ARFGEF3: variants seen among roughly 807,000 people sequenced by gnomAD.
ARFGEF3 encodes the protein brefeldin A-inhibited guanine nucleotide-exchange protein 3.
In ARFGEF3, 96 loss-of-function variants were observed where a neutral mutation model predicts 221.7. That is an observed-to-expected ratio of 0.43 (90% CI 0.37 to 0.51). ARFGEF3 has a LOEUF of 0.51. Ranked by LOEUF, ARFGEF3 falls within the 20% of genes least tolerant of loss-of-function variation. The probability of loss-of-function intolerance (pLI) is 0.00; values close to 1 mark genes in which losing one functional copy is unlikely to be tolerated. For missense variants in ARFGEF3, 2,410 were observed against 2,789.9 expected (o/e 0.86, Z 3.07); for synonymous variants, 1,145 against 1,126.8 (o/e 1.02, Z -0.32).
intron 20 of ARFGEF3, among the ~76,000 whole-genome samples, chr6:138,295,221 C>G (rs987804803): frequency 6.6e-6 from 1 of 152,116 alleles, no homozygotes; most frequent in Non-Finnish European, 1.5e-5. Flanking sequence ...ATATAAAATG[C>G]AGCCTCCAAC....
At chr6:138,205,781 C>T (rs769195588) in intron 2 of ARFGEF3, among the ~76,000 whole-genome samples, 3 of 152,096 alleles carry the variant, frequency 2.0e-5, no homozygotes, top group Admixed American at 6.5e-5. Context: ...TTGAGGGGCA[C>T]GGTGAGGGTT....
intron 29 of ARFGEF3, 86 bp downstream of exon 29, chr6:138,321,311 T>C: frequency 1.3e-6 from 1 of 777,494 alleles, no homozygotes; most frequent in Non-Finnish European, 2.1e-6. Flanking sequence ...GTGGTAGGAA[T>C]CGACTTTTTG....
intron 2 of ARFGEF3, among the ~76,000 whole-genome samples, chr6:138,183,899 A>C (rs1387044455): frequency 6.6e-6 from 1 of 152,144 alleles, no homozygotes; most frequent in African/African-American, 2.4e-5. Flanking sequence ...CTCCCCTGTG[A>C]GTGCTCAGCA....
In ARFGEF3 at chr6:138,229,807, G is replaced by A. The variant is rs1248266180; in HGVS notation, c.375G>A (p.Thr125=). The part of the protein sequence containing the change: ...VMKVLLCITY[T]PTFDLNGSAV... ...AGGTTTTACTATGCATCACCTACACGCCAACATTTGATCTGAATGGGAGTG... is the reference window on the plus strand; with the variant it reads ...AGGTTTTACTATGCATCACCTACACACCAACATTTGATCTGAATGGGAGTG... Residue 125 remains threonine (T), a synonymous_variant, in exon 5 of 34, where the codon ACG becomes ACA. Transcript: ENST00000251691. 7 of 1,613,476 alleles carry A rather than the reference G, an allele frequency of 4.3e-6. No homozygotes were observed. In the South Asian group the frequency reaches 5.5e-5, roughly 13 times the overall value.
chr6:138,322,897 C>A (rs76752246), intron 29 of ARFGEF3, among the ~76,000 whole-genome samples: 2 of 151,370 alleles, frequency 1.3e-5, no homozygotes, highest in South Asian at 4.2e-4. Context: ...CATGGGAGGG[C>A]GGGTCACATG....
chr6:138,277,303 A>G (rs557468754), intron 12 of ARFGEF3, among the ~76,000 whole-genome samples: 26 of 152,356 alleles, frequency 1.7e-4, no homozygotes, highest in African/African-American at 5.5e-4. Flanking sequence ...TCAGAACGCC[A>G]TTCCTTTTCA....
intron 12 of ARFGEF3, among the ~76,000 whole-genome samples, chr6:138,277,612 A>G (rs1779122254): frequency 6.6e-6 from 1 of 152,208 alleles, no homozygotes; most frequent in Non-Finnish European, 1.5e-5. Flanking sequence ...TTCCCATGCA[A>G]TCATATCCAT....
At chr6:138,270,591 A>C (rs1183499067) in intron 12 of ARFGEF3, among the ~76,000 whole-genome samples, 1 of 152,214 alleles carries the variant, frequency 6.6e-6, no homozygotes, top group Non-Finnish European at 1.5e-5. Context: ...CTGTAATGTA[A>C]GTATGATAAA....
At chr6:138,243,432 T>C (rs17067279) in intron 7 of ARFGEF3, among the ~76,000 whole-genome samples, 6,469 of 152,274 alleles carry the variant, frequency 0.042, 438 homozygotes, top group African/African-American at 0.15. Flanking sequence ...TCACAGGGCC[T>C]CTTGCAGACA....
rs1004825993 is a variant in ARFGEF3 at position 138,328,212 on chromosome 6, C to T, written c.5123+70C>T. The T allele has an allele frequency of 6.8e-6, 10 of 1,464,602 alleles. No individual in the cohort carries two copies. The African/African-American group carries it at 1.1e-4, about 17-fold the overall frequency. 90.7% of individuals were successfully genotyped at this position (1,464,602 alleles called of 1,614,324 possible). A position where few individuals can be genotyped will look rare whatever the true frequency, so the allele number is the denominator to read the frequency against. On this transcript the variant is annotated intron_variant, in intron 32 of 33. Transcript: ENST00000251691. ...TGTTCATTCACTTCCAGTTCTCACACATTGTAATCTGAGCTTTGGCCAGAA... is the reference window on the plus strand; with the variant it reads ...TGTTCATTCACTTCCAGTTCTCACATATTGTAATCTGAGCTTTGGCCAGAA...
intron 1 of ARFGEF3, among the ~76,000 whole-genome samples, chr6:138,168,609 G>GTA (rs1776766344): frequency 1.3e-5 from 2 of 152,232 alleles, no homozygotes; most frequent in South Asian, 4.1e-4. Context: ...ACAGAGGCTG[G>GTA]TACAGTCATC....
intron 14 of ARFGEF3, among the ~76,000 whole-genome samples, chr6:138,280,465 G>A (rs1779178050): frequency 6.6e-6 from 1 of 152,216 alleles, no homozygotes; most frequent in Non-Finnish European, 1.5e-5. Context: ...GTAGGCCTAG[G>A]ATTATTCCTG....
chr6:138,226,797 A>C (rs926303924), intron 4 of ARFGEF3, among the ~76,000 whole-genome samples: 3 of 152,204 alleles, frequency 2.0e-5, no homozygotes, highest in Admixed American at 2.0e-4. Context: ...CCGGCGAATT[A>C]ATACATGCTA....
intron 12 of ARFGEF3, among the ~76,000 whole-genome samples, chr6:138,274,737 G>A (rs1021370986): frequency 1.4e-5 from 2 of 146,004 alleles, no homozygotes; most frequent in Non-Finnish European, 3.0e-5. Flanking sequence ...AGAGGTTGCG[G>A]TGAGCCAAGA....
At chr6:138,295,476 A>G (rs1449884138) in intron 20 of ARFGEF3, among the ~76,000 whole-genome samples, 1 of 151,766 alleles carries the variant, frequency 6.6e-6, no homozygotes, top group Non-Finnish European at 1.5e-5. Flanking sequence ...AAAAAAAAAA[A>G]AAAATTAGCC....
chr6:138,278,569 C>G lies in ARFGEF3; in HGVS notation c.2247C>G (p.Ser749=). The change falls in exon 13 of 34, where the codon TCC becomes TCG. Residue 749 remains serine, a synonymous_variant. Coordinates refer to ENST00000251691, the MANE Select transcript of ARFGEF3 (RefSeq NM_020340.5). The part of the protein sequence containing the change: ...HCALLLNLKL[S]HGDYYRKRPT... Reference sequence around the variant, plus strand: ...CCCTGCTCCTCAACCTGAAGCTCTCCCACGGTGACTACTACAGGAAGCGGC... The same window carrying G: ...CCCTGCTCCTCAACCTGAAGCTCTCGCACGGTGACTACTACAGGAAGCGGC... The G allele has an allele frequency of 6.2e-7, 1 of 1,613,956 alleles. No individual in the cohort carries two copies. Among genetic ancestry groups the G allele is most frequent in the Non-Finnish European group, 8.5e-7 (1 of 1,179,882 alleles).
At chr6:138,319,663 T>C in intron 27 of ARFGEF3, 40 bp from the exon 28 acceptor site, 1 of 1,494,438 alleles carries the variant, frequency 6.7e-7, no homozygotes, top group Non-Finnish European at 9.1e-7. Context: ...GAGCTTCCCT[T>C]TTATTACAGG....
chr6:138,206,060 A>G (rs1777619547), intron 2 of ARFGEF3, among the ~76,000 whole-genome samples: 1 of 152,252 alleles, frequency 6.6e-6, no homozygotes, highest in Non-Finnish European at 1.5e-5. Context: ...AAAAATCAAT[A>G]TATCTTTCAG....
At chr6:138,253,172 T>A (rs976985993) in intron 8 of ARFGEF3, among the ~76,000 whole-genome samples, 14 of 152,240 alleles carry the variant, frequency 9.2e-5, no homozygotes, top group African/African-American at 3.4e-4. Context: ...CTATGGACTT[T>A]AGTTAATATA....
Sources: allele counts gnomAD v4.1 joint callset (sites outside exome capture counted in the v4.1 genomes callset), GRCh38; gene constraint gnomAD v4.1.1; transcripts MANE v1.5; gene names NCBI Gene and HGNC (gene_info 2026-07-23, HGNC 2026-07-21).